SPOCK1: variants seen among roughly 807,000 people sequenced by gnomAD.
The protein encoded by SPOCK1 is SPARC (osteonectin), cwcv and kazal like domains proteoglycan 1.
In SPOCK1, 23 loss-of-function variants were observed where a neutral mutation model predicts 55.3. That is an observed-to-expected ratio of 0.42 (90% CI 0.30 to 0.59). The LOEUF is 0.59. Ranked by LOEUF, SPOCK1 falls within the 20% of genes least tolerant of loss-of-function variation. The pLI is 0.22. For synonymous variants in SPOCK1, 226 were observed against 221.0 expected (o/e 1.02, Z -0.20); for missense variants, 499 against 552.5 (o/e 0.90, Z 0.97).
At chr5:137,193,290 A>G (rs977608298) in intron 3 of SPOCK1, among the ~76,000 whole-genome samples, 2 of 152,144 alleles carry the variant, frequency 1.3e-5, no homozygotes, top group African/African-American at 4.8e-5. Flanking sequence ...GACAGTGAGA[A>G]GTGAAGAAAC....
chr5:137,320,392 A>G (rs567249202), intron 2 of SPOCK1, among the ~76,000 whole-genome samples: 7 of 152,314 alleles, frequency 4.6e-5, no homozygotes, highest in African/African-American at 1.7e-4. Context: ...GCTTGCCACA[A>G]TTTTCAGAAA....
intron 6 of SPOCK1, among the ~76,000 whole-genome samples, chr5:137,023,120 G>C (rs1161952982): frequency 2.0e-5 from 3 of 152,168 alleles, no homozygotes; most frequent in Non-Finnish European, 4.4e-5. Flanking sequence ...CAACTTGTAT[G>C]CTTTCTTTGC....
At chr5:137,179,218 T>C (rs1754920432) in intron 3 of SPOCK1, among the ~76,000 whole-genome samples, 1 of 152,214 alleles carries the variant, frequency 6.6e-6, no homozygotes, top group Non-Finnish European at 1.5e-5. Context: ...GACTGGTTTC[T>C]ACCCATATCC....
chr5:137,130,479 T>C (rs1753853386), intron 4 of SPOCK1, among the ~76,000 whole-genome samples: 1 of 152,214 alleles, frequency 6.6e-6, no homozygotes, highest in South Asian at 2.1e-4. Flanking sequence ...CATGAGCAGT[T>C]TTCTGAGCTA....
chr5:137,218,922 G>A (rs1039214921), intron 3 of SPOCK1, among the ~76,000 whole-genome samples: 5 of 152,176 alleles, frequency 3.3e-5, no homozygotes, highest in Non-Finnish European at 7.3e-5. Flanking sequence ...AAAAAGCAGT[G>A]CCCAGGCTGG....
At chr5:137,083,880 G>T (rs910056399) in intron 5 of SPOCK1, among the ~76,000 whole-genome samples, 1 of 151,846 alleles carries the variant, frequency 6.6e-6, no homozygotes, top group African/African-American at 2.4e-5. Flanking sequence ...ATCCTCCTGG[G>T]CTCTGGAGCA....
At chr5:137,364,213 G>A (rs573707554) in intron 2 of SPOCK1, among the ~76,000 whole-genome samples, 94 of 152,160 alleles carry the variant, frequency 6.2e-4, no homozygotes, top group Non-Finnish European at 5.6e-4. Flanking sequence ...GTTAAATACC[G>A]AGATTTGCAA....
At chr5:137,201,584 G>A (rs879239511) in intron 3 of SPOCK1, among the ~76,000 whole-genome samples, 3 of 152,140 alleles carry the variant, frequency 2.0e-5, no homozygotes, top group Admixed American at 6.5e-5. Context: ...GAGATGCCCC[G>A]TTTGGGATGT....
intron 6 of SPOCK1, among the ~76,000 whole-genome samples, chr5:137,039,313 G>C (rs1320789258): frequency 7.3e-6 from 1 of 136,924 alleles, no homozygotes; most frequent in Non-Finnish European, 1.5e-5. Context: ...TTGCAACGGG[G>C]ACATTCTGCC....
intron 6 of SPOCK1, among the ~76,000 whole-genome samples, chr5:137,027,305 A>G (rs1363333934): frequency 6.6e-6 from 1 of 152,214 alleles, no homozygotes; most frequent in African/African-American, 2.4e-5. Flanking sequence ...CAATTTATAC[A>G]AATAATATAG....
chr5:137,473,135 A>G (rs1395863170), intron 2 of SPOCK1, among the ~76,000 whole-genome samples: 1 of 152,214 alleles, frequency 6.6e-6, no homozygotes, highest in African/African-American at 2.4e-5. Flanking sequence ...GTCTCTGCAA[A>G]CATGAAACAA....
At chr5:137,312,013 C>T (rs911966072) in intron 2 of SPOCK1, among the ~76,000 whole-genome samples, 1 of 152,162 alleles carries the variant, frequency 6.6e-6, no homozygotes, top group Non-Finnish European at 1.5e-5. Flanking sequence ...CATTTCTATC[C>T]CCAAACTAGA....
At chr5:137,078,013 C>T (rs541887572) in intron 5 of SPOCK1, among the ~76,000 whole-genome samples, 58 of 151,388 alleles carry the variant, frequency 3.8e-4, no homozygotes, top group African/African-American at 1.3e-3. Context: ...AAGGAGAGAG[C>T]AAGAAAAGAA....
rs1434652 is a variant in SPOCK1 at position 137,306,488 on chromosome 5, G to T, written c.187-39433C>A. Among the ~76,000 whole-genome samples the T allele has an allele frequency of 3.8e-3, 584 of 152,292 alleles. 2 individuals carry two copies. Among genetic ancestry groups the T allele is most frequent in the African/African-American group, 0.012 (512 of 41,552 alleles). ...GCAGGGGACATCTGTGTAGGAAGTT[G>T]TGTGCTTTCTTCGTCCAATTATCAA... On this transcript the variant is annotated intron_variant, in intron 2 of 10. Coordinates refer to ENST00000394945, the MANE Select transcript of SPOCK1 (RefSeq NM_004598.4).
At chr5:137,351,726 A>C (rs1053759604) in intron 2 of SPOCK1, among the ~76,000 whole-genome samples, 4 of 152,246 alleles carry the variant, frequency 2.6e-5, no homozygotes, top group African/African-American at 9.6e-5. Context: ...AACATTTCAA[A>C]TGTCACCACC....
intron 3 of SPOCK1, among the ~76,000 whole-genome samples, chr5:137,232,512 G>C (rs946125618): frequency 6.6e-6 from 1 of 152,048 alleles, no homozygotes; most frequent in African/African-American, 2.4e-5. Flanking sequence ...TCTCTTTCTG[G>C]GTTATCTATT....
At chr5:137,150,852 A>T (rs1031943828) in intron 3 of SPOCK1, among the ~76,000 whole-genome samples, 11 of 152,202 alleles carry the variant, frequency 7.2e-5, no homozygotes, top group Non-Finnish European at 1.6e-4. Context: ...AGAGCCTCAG[A>T]TGAAGAGGTC....
At chr5:137,055,445 G>A (rs995495951) in intron 6 of SPOCK1, among the ~76,000 whole-genome samples, 3 of 152,222 alleles carry the variant, frequency 2.0e-5, no homozygotes, top group Non-Finnish European at 4.4e-5. Flanking sequence ...CAAGGTACAC[G>A]AAGTAACAGA....
At chr5:137,058,265 A>C (rs1752336449) in intron 6 of SPOCK1, among the ~76,000 whole-genome samples, 1 of 152,244 alleles carries the variant, frequency 6.6e-6, no homozygotes, top group Non-Finnish European at 1.5e-5. Flanking sequence ...AAAAGGTTTC[A>C]GATCCCTGTT....
Sources: allele counts gnomAD v4.1 joint callset (sites outside exome capture counted in the v4.1 genomes callset), GRCh38; gene constraint gnomAD v4.1.1; transcripts MANE v1.5; gene names NCBI Gene and HGNC (gene_info 2026-07-23, HGNC 2026-07-21).